Variants in TAB2 observed in about 807,000 individuals in gnomAD.
The protein encoded by TAB2 is TGF-beta-activated kinase 1 and MAP3K7-binding protein 2.
A neutral mutation model predicts 65.0 loss-of-function variants in TAB2; 3 were observed. The ratio of observed to expected loss-of-function variants is 0.05; its 90% confidence interval spans 0.02 to 0.12. The LOEUF (loss-of-function observed/expected upper bound fraction) is 0.12. Ranked by LOEUF, TAB2 falls within the 10% of genes least tolerant of loss-of-function variation. The pLI is 1.00. For missense variants in TAB2, 623 were observed against 840.3 expected (o/e 0.74, Z 3.20); for synonymous variants, 298 against 285.1 (o/e 1.05, Z -0.46).
At chr6:149,254,007 A>G (rs532701644) in intron 1 of TAB2, among the ~76,000 whole-genome samples, 14 of 145,334 alleles carry the variant, frequency 9.6e-5, no homozygotes, top group African/African-American at 3.4e-4. Context: ...AGAAAGAAAG[A>G]AAGAAAGAAA....
chr6:149,219,304 ATTTG>A (rs767417220), intron 1 of TAB2, among the ~76,000 whole-genome samples: 1 of 121,512 alleles, frequency 8.2e-6, no homozygotes, highest in East Asian at 2.9e-4. Context: ...ATATTTTAAC[ATTTG>A]TGTGTGTGTG....
chr6:149,347,509 T>C (rs921740652), intron 1 of TAB2, among the ~76,000 whole-genome samples: 7 of 152,206 alleles, frequency 4.6e-5, no homozygotes, highest in Non-Finnish European at 1.0e-4. Context: ...AATAGCTAAC[T>C]TAAAATAAGT....
intron 1 of TAB2, chr6:149,253,210 C>T (rs563462153): frequency 1.3e-5 from 2 of 152,304 alleles, no homozygotes; most frequent in South Asian, 4.1e-4. Flanking sequence ...CCCATTGGGG[C>T]CAATGAAACA....
At chr6:149,337,229 C>A (rs767521554) in intron 1 of TAB2, among the ~76,000 whole-genome samples, 1 of 141,760 alleles carries the variant, frequency 7.1e-6, no homozygotes. Flanking sequence ...ATAACTGTTT[C>A]GGTATAATTG....
chr6:149,337,831 A>G (rs1583100847), intron 1 of TAB2, among the ~76,000 whole-genome samples: 1 of 152,164 alleles, frequency 6.6e-6, no homozygotes, highest in Non-Finnish European at 1.5e-5. Context: ...GGGTCTGGTC[A>G]TTTATATGTT....
intron 3 of TAB2, among the ~76,000 whole-genome samples, chr6:149,396,237 C>T (rs761918096): frequency 1.1e-4 from 16 of 152,288 alleles, no homozygotes; most frequent in Non-Finnish European, 1.8e-4. Context: ...AGTCTGGTCT[C>T]GAACTCCTGA....
At chr6:149,381,713 C>A (rs1005995070) in intron 3 of TAB2, among the ~76,000 whole-genome samples, 1 of 151,632 alleles carries the variant, frequency 6.6e-6, no homozygotes, top group Non-Finnish European at 1.5e-5. Flanking sequence ...AGCTGGACTA[C>A]AGGTACACAC....
rs1051349931 is a variant in TAB2, at chr6:149,409,755, T to C, written c.*36T>C. On this transcript the variant is annotated 3_prime_UTR_variant, in exon 7 of 7. Coordinates refer to ENST00000637181, the MANE Select transcript of TAB2 (RefSeq NM_001292034.3). Reference sequence around the variant, plus strand: ...CCTGTATCTTCTCTAAAACCACATCTAAAGTTCAAGAAACTAGTCTGTCAT... The same window carrying C: ...CCTGTATCTTCTCTAAAACCACATCCAAAGTTCAAGAAACTAGTCTGTCAT... 1.2e-6 allele frequency: 2 copies of C among 1,613,330 alleles called. No homozygotes were observed. The highest frequency in any genetic ancestry group is 2.7e-5 in the African/African-American group (2 of 75,036).
rs373558391 is a variant in TAB2 at position 149,328,276 on chromosome 6, A to G, written c.-90+10261A>G. 1.2e-4 allele frequency among the ~76,000 whole-genome samples: 18 copies of G among 152,238 alleles called. No individual in the cohort carries two copies. In the South Asian group the frequency reaches 3.1e-3, roughly 26 times the overall value. On this transcript the variant is annotated intron_variant, in intron 1 of 6. Transcript: ENST00000637181. Reference sequence around the variant, plus strand: ...GAAATCTTGCCTTACTCATTCTTCTATTGTGTCTCATCTCTACATTCTGTT... The same window carrying G: ...GAAATCTTGCCTTACTCATTCTTCTGTTGTGTCTCATCTCTACATTCTGTT...
At chr6:149,314,121 C>T (rs777869963), upstream of TAB2, among the ~76,000 whole-genome samples, 1 of 152,206 alleles carries the variant, frequency 6.6e-6, no homozygotes, top group Non-Finnish European at 1.5e-5. Context: ...TTCTTCATTA[C>T]TTAAGCCATT....
chr6:149,248,862 C>T (rs1193110806), intron 1 of TAB2, among the ~76,000 whole-genome samples: 5 of 152,032 alleles, frequency 3.3e-5, no homozygotes, highest in Non-Finnish European at 7.4e-5. Context: ...GCAGTCATGT[C>T]CCCACCCCCG....
At chr6:149,297,820 AC>A (rs1159098907) in intron 1 of TAB2, among the ~76,000 whole-genome samples, 1 of 152,196 alleles carries the variant, frequency 6.6e-6, no homozygotes, top group Admixed American at 6.5e-5. Flanking sequence ...AGTGTGAGCT[AC>A]TATGCCTGGC....
At chr6:149,240,972 G>C (rs1234467207) in intron 1 of TAB2, among the ~76,000 whole-genome samples, 1 of 152,118 alleles carries the variant, frequency 6.6e-6, no homozygotes, top group Admixed American at 6.5e-5. Flanking sequence ...TCGTAAGGGT[G>C]GGGCCCTAAT....
At chr6:149,311,876 G>T (rs969548304) in intron 1 of TAB2, among the ~76,000 whole-genome samples, 9 of 152,228 alleles carry the variant, frequency 5.9e-5, no homozygotes, top group Non-Finnish European at 1.3e-4. Context: ...CTATCCAAAG[G>T]TGAAGAAGAA....
intron 1 of TAB2, among the ~76,000 whole-genome samples, chr6:149,352,964 G>A (rs1020427996): frequency 1.3e-5 from 2 of 152,088 alleles, no homozygotes; most frequent in African/African-American, 4.8e-5. Flanking sequence ...TTAAGGTTTT[G>A]GCACCTTTTT....
intron 1 of TAB2, among the ~76,000 whole-genome samples, chr6:149,223,962 G>A (rs1777213743): frequency 6.6e-6 from 1 of 151,952 alleles, no homozygotes; most frequent in South Asian, 2.1e-4. Context: ...GCTGAAATTA[G>A]GCACCACATT....
intron 1 of TAB2, among the ~76,000 whole-genome samples, chr6:149,344,716 C>T (rs55826712): frequency 0.23 from 35,684 of 151,890 alleles, 4,393 homozygotes; most frequent in Non-Finnish European, 0.26. Context: ...AGCTGACTAC[C>T]GTAGAGTGAG....
At chr6:149,233,812 T>G (rs986535325) in intron 1 of TAB2, among the ~76,000 whole-genome samples, 10 of 152,232 alleles carry the variant, frequency 6.6e-5, no homozygotes, top group Non-Finnish European at 1.5e-4. Flanking sequence ...CAATTACTTC[T>G]GCACCAACCT....
At chr6:149,324,363 C>T (rs1779539091) in intron 1 of TAB2, among the ~76,000 whole-genome samples, 1 of 151,928 alleles carries the variant, frequency 6.6e-6, no homozygotes, top group Admixed American at 6.6e-5. Flanking sequence ...TTTTTATTCA[C>T]CAGTTTATTA....
Sources: gnomAD v4.1 joint callset for allele counts (sites outside exome capture counted in the v4.1 genomes callset) on GRCh38, gnomAD v4.1.1 for gene constraint, MANE v1.5 for transcripts, NCBI Gene and HGNC (gene_info 2026-07-23, HGNC 2026-07-21) for gene names.